CTNNA3: variants seen among roughly 807,000 people sequenced by gnomAD.
The protein encoded by CTNNA3 is catenin alpha-3.
In CTNNA3, 76 loss-of-function variants were observed where a neutral mutation model predicts 95.7. That is an observed-to-expected ratio of 0.79 (90% CI 0.66 to 0.96). CTNNA3 has a LOEUF of 0.96. Ranked by LOEUF, CTNNA3 falls within the 40% of genes least tolerant of loss-of-function variation. The pLI, the probability that CTNNA3 is intolerant of heterozygous loss-of-function variation, is 0.00. For missense variants in CTNNA3, 1,191 were observed against 1,089.8 expected, an observed-to-expected ratio of 1.09 and a Z score of -1.31; for synonymous variants, 431 against 374.4, an observed-to-expected ratio of 1.15 and a Z score of -1.74.
At chr10:67,285,015 T>A (rs1326864591) in intron 5 of CTNNA3, among the ~76,000 whole-genome samples, 1 of 152,158 alleles carries the variant, frequency 6.6e-6, no homozygotes, top group Non-Finnish European at 1.5e-5. Flanking sequence ...CCTCACCCAT[T>A]ATCTTCATGT....
chr10:67,744,784 A>G (rs1296034724), intron 1 of CTNNA3, among the ~76,000 whole-genome samples: 1 of 152,032 alleles, frequency 6.6e-6, no homozygotes. Context: ...AGAATCTACA[A>G]TGAATTCAAA....
chr10:66,797,287 C>T (rs569417037), intron 7 of CTNNA3, among the ~76,000 whole-genome samples: 2 of 151,750 alleles, frequency 1.3e-5, no homozygotes, highest in Non-Finnish European at 2.9e-5. Flanking sequence ...AAAATACCTT[C>T]AGCTAGTTGA....
chr10:66,401,645 A>G (rs1010559466), intron 11 of CTNNA3, among the ~76,000 whole-genome samples: 3 of 144,950 alleles, frequency 2.1e-5, no homozygotes, highest in African/African-American at 7.7e-5. Flanking sequence ...TCATTAAATT[A>G]TTCCATTTCT....
At position 67,235,130 on chromosome 10, in the gene CTNNA3, T is replaced by C. The variant is rs373543139; in HGVS notation, c.580-15260A>G. Among the ~76,000 whole-genome samples the C allele has an allele frequency of 3.2e-3, 487 of 151,890 alleles. 3 individuals carry two copies. The highest frequency in any genetic ancestry group is 0.011 in the African/African-American group (455 of 41,238). On this transcript the variant is annotated intron_variant, in intron 5 of 17. Coordinates refer to ENST00000433211, the MANE Select transcript of CTNNA3 (RefSeq NM_013266.4). ...TTCAATGCCATCCCCATCAAGCTAC[T>C]AATGACTTTCTTCACAGAATTGGAA...
chr10:67,331,842 T>G (rs1307862021), intron 5 of CTNNA3, among the ~76,000 whole-genome samples: 2 of 152,152 alleles, frequency 1.3e-5, no homozygotes, highest in Non-Finnish European at 2.9e-5. Context: ...TAAGGAAAAT[T>G]TCAAACATAA....
intron 14 of CTNNA3, among the ~76,000 whole-genome samples, chr10:66,089,123 TG>T (rs1439375172): frequency 2.6e-5 from 4 of 152,130 alleles, no homozygotes; most frequent in Non-Finnish European, 5.9e-5. Flanking sequence ...TTTTGGTCTT[TG>T]GTATCACATT....
intron 13 of CTNNA3, among the ~76,000 whole-genome samples, chr10:66,172,269 A>G (rs2085470435): frequency 6.6e-6 from 1 of 152,168 alleles, no homozygotes. Flanking sequence ...ATTTGATAGA[A>G]AACACAAATT....
intron 14 of CTNNA3, among the ~76,000 whole-genome samples, chr10:66,087,034 T>C (rs1215518578): frequency 6.6e-6 from 1 of 152,084 alleles, no homozygotes; most frequent in Non-Finnish European, 1.5e-5. Context: ...GGAAGCTAGG[T>C]ACATCCAACA....
chr10:65,992,796 T>G lies in CTNNA3; in HGVS notation c.2160-3999A>C, dbSNP rs560132141. Reference sequence around the variant, plus strand: ...TCTACTAATTCTGGATTTAGCTTGTTCTTGCTTTTCTAATTCCTTGATGTG... The same window carrying G: ...TCTACTAATTCTGGATTTAGCTTGTGCTTGCTTTTCTAATTCCTTGATGTG... On this transcript the variant is annotated intron_variant, in intron 15 of 17. Coordinates refer to ENST00000433211, the MANE Select transcript of CTNNA3 (RefSeq NM_013266.4). 1.7e-4 allele frequency among the ~76,000 whole-genome samples: 26 copies of G among 152,250 alleles called. No individual in the cohort carries two copies. In the East Asian group the frequency reaches 3.5e-3, roughly 20 times the overall value.
chr10:66,129,187 C>A, intron 13 of CTNNA3, among the ~76,000 whole-genome samples: 1 of 152,176 alleles, frequency 6.6e-6, no homozygotes, highest in East Asian at 1.9e-4. Flanking sequence ...TTGCTTGAAC[C>A]TGGGAGGTGG....
At chr10:67,083,915 A>G (rs1265764495) in intron 7 of CTNNA3, among the ~76,000 whole-genome samples, 2 of 152,164 alleles carry the variant, frequency 1.3e-5, no homozygotes, top group African/African-American at 2.4e-5. Flanking sequence ...AAAAATAAAG[A>G]TAAGAAAAAT....
intron 13 of CTNNA3, among the ~76,000 whole-genome samples, chr10:66,111,711 G>A (rs899830534): frequency 6.6e-6 from 1 of 152,160 alleles, no homozygotes; most frequent in Admixed American, 6.6e-5. Flanking sequence ...CCTGGGATGT[G>A]TCAGGCAGAA....
intron 1 of CTNNA3, among the ~76,000 whole-genome samples, chr10:67,689,770 T>G (rs1379135974): frequency 6.6e-6 from 1 of 152,208 alleles, no homozygotes; most frequent in East Asian, 1.9e-4. Context: ...AGTCAGGGAT[T>G]GTTAGAGAGC....
intron 7 of CTNNA3, among the ~76,000 whole-genome samples, chr10:66,864,292 G>A (rs1050672151): frequency 1.3e-5 from 2 of 152,090 alleles, no homozygotes; most frequent in Non-Finnish European, 2.9e-5. Context: ...TAGTTACCAT[G>A]GGAATTAGTT....
chr10:66,344,477 G>T (rs1204466907), intron 12 of CTNNA3, among the ~76,000 whole-genome samples: 2 of 151,846 alleles, frequency 1.3e-5, no homozygotes, highest in East Asian at 4.0e-4. Context: ...ATATTGGCCA[G>T]GCTGGTCTCG....
At chr10:66,318,720 A>T (rs2092138432) in intron 12 of CTNNA3, among the ~76,000 whole-genome samples, 1 of 151,998 alleles carries the variant, frequency 6.6e-6, no homozygotes, top group Non-Finnish European at 1.5e-5. Flanking sequence ...GTGGTTCCCA[A>T]GTCTTAGTAT....
chr10:66,830,055 G>A (rs1024845516), intron 7 of CTNNA3, among the ~76,000 whole-genome samples: 1 of 152,080 alleles, frequency 6.6e-6, no homozygotes, highest in African/African-American at 2.4e-5. Context: ...GGCACTACTA[G>A]TGGACCCAAG....
intron 7 of CTNNA3, among the ~76,000 whole-genome samples, chr10:67,039,857 G>A (rs957938090): frequency 2.0e-5 from 3 of 152,088 alleles, no homozygotes; most frequent in South Asian, 2.1e-4. Context: ...TTCCAAGACC[G>A]TTACAGATTA....
chr10:67,043,135 C>T lies in CTNNA3; in HGVS notation c.1047+137182G>A, dbSNP rs67839629. 4.8e-3 allele frequency among the ~76,000 whole-genome samples: 493 copies of T among 103,710 alleles called. 95 individuals are homozygous for T. The highest frequency in any genetic ancestry group is 0.01 in the East Asian group (31 of 2,956). The allele number at this position is 103,710 out of a possible 152,430, so 68.0% of individuals were successfully genotyped here. A position where few individuals can be genotyped will look rare whatever the true frequency, so the allele number is the denominator to read the frequency against. ...TCATGCCTCAAGGCTCACTTTCTTT[C>T]TTTTTTTTTTTTTTTTTCTGTGCAA... On this transcript the variant is annotated intron_variant, in intron 7 of 17. Transcript: ENST00000433211.
Sources: gnomAD v4.1 joint callset for allele counts (sites outside exome capture counted in the v4.1 genomes callset) on GRCh38, gnomAD v4.1.1 for gene constraint, MANE v1.5 for transcripts, NCBI Gene and HGNC (gene_info 2026-07-23, HGNC 2026-07-21) for gene names.